Variants in BRDT observed in about 807,000 individuals in gnomAD.
The protein encoded by BRDT is bromodomain testis associated.
In BRDT, 77 loss-of-function variants were observed where a neutral mutation model predicts 113.9. The observed-to-expected ratio is 0.68, with a 90% CI of 0.56 to 0.82. The LOEUF (loss-of-function observed/expected upper bound fraction) is 0.82. Among genes scored for constraint, BRDT ranks in the 40% least tolerant of loss-of-function variants. The pLI is 0.00. For synonymous variants in BRDT, 358 were observed against 366.5 expected (o/e 0.98, Z 0.26); for missense variants, 1,027 against 1,105.4 (o/e 0.93, Z 1.01).
Position 92,004,539 on chromosome 1 carries a change from A to C in BRDT, c.2514A>C (p.Val838=). Residue 838 remains valine, a synonymous_variant, in exon 17 of 19, where the codon GTA becomes GTC. Transcript: ENST00000399546. The part of the protein sequence containing the change: ...QFRKAAIEKE[V]KARTQELIRK... ...GAAAAGCAGCCATAGAAAAGGAAGT[A>C]AAAGCTCGGACACAGGAACTCATAC... is the stretch of plus-strand genomic sequence containing the variant. 1.2e-6 allele frequency: 2 copies of C among 1,613,530 alleles called. No homozygotes were observed. The highest frequency in any genetic ancestry group is 1.1e-5 in the South Asian group (1 of 90,990).
chr1:91,985,636 T>TG (rs1685142777), intron 12 of BRDT, among the ~76,000 whole-genome samples: 1 of 120,246 alleles, frequency 8.3e-6, no homozygotes, highest in South Asian at 2.7e-4. Flanking sequence ...TAATTAGTTT[T>TG]GCTTTTTTTT....
At chr1:91,971,415 A>C (rs1409595128) in intron 4 of BRDT, among the ~76,000 whole-genome samples, 1 of 152,220 alleles carries the variant, frequency 6.6e-6, no homozygotes, top group Admixed American at 6.5e-5. Context: ...GTCTAAGTTT[A>C]AAAGACTTCT....
chr1:91,964,964 C>T (rs1026787736), intron 3 of BRDT, among the ~76,000 whole-genome samples, 200 bp downstream of exon 3: 1 of 145,842 alleles, frequency 6.9e-6, no homozygotes, highest in South Asian at 2.1e-4. Context: ...GGCTGGAGTG[C>T]AGTGGTGTGA....
chr1:92,000,773 A>G (rs930789651), intron 15 of BRDT, among the ~76,000 whole-genome samples: 5 of 152,190 alleles, frequency 3.3e-5, no homozygotes, highest in African/African-American at 1.2e-4. Context: ...ACGCATCAGG[A>G]TGTTCCATGT....
chr1:91,970,803 A>G (rs1334541405), intron 4 of BRDT, among the ~76,000 whole-genome samples: 1 of 151,730 alleles, frequency 6.6e-6, no homozygotes, highest in African/African-American at 2.4e-5. Context: ...CAGCTCCTCA[A>G]GAGCCTGAGG....
chr1:92,013,915 A>G (rs1015781917), intron 18 of BRDT, among the ~76,000 whole-genome samples: 36 of 152,326 alleles, frequency 2.4e-4, no homozygotes, highest in African/African-American at 7.9e-4. Flanking sequence ...CTCTGTCAAC[A>G]TTGAACTTTC....
At chr1:91,958,140 G>C (rs1682002448) in intron 1 of BRDT, among the ~76,000 whole-genome samples, 3 of 151,806 alleles carry the variant, frequency 2.0e-5, no homozygotes, top group Middle Eastern at 3.4e-3. Flanking sequence ...GCCATGCCTG[G>C]CCAAGTTTTG....
chr1:91,991,991 CAAAAAAAAAA>C (rs764759925), intron 13 of BRDT, among the ~76,000 whole-genome samples: 2 of 67,744 alleles, frequency 3.0e-5, no homozygotes, highest in South Asian at 7.8e-4. Flanking sequence ...GACTCTGTCT[CAAAAAAAAAA>C]AAAAAAAAAA....
chr1:91,983,211 C>G (rs1261604660), intron 12 of BRDT, among the ~76,000 whole-genome samples: 1 of 151,380 alleles, frequency 6.6e-6, no homozygotes, highest in Non-Finnish European at 1.5e-5. Context: ...GCAATATATA[C>G]TCTCTGTTTT....
chr1:92,003,199 T>C (rs961450512), intron 16 of BRDT, among the ~76,000 whole-genome samples: 2 of 152,218 alleles, frequency 1.3e-5, no homozygotes, highest in African/African-American at 4.8e-5. Flanking sequence ...CAGGGAGGGA[T>C]GTTTTGACTC....
chr1:92,001,432 A>C (rs1279531315), intron 15 of BRDT, among the ~76,000 whole-genome samples: 1 of 152,186 alleles, frequency 6.6e-6, no homozygotes, highest in Non-Finnish European at 1.5e-5. Context: ...ACAATGGCTC[A>C]TGCCTGTAAT....
At chr1:91,985,488 C>A (rs924701202) in intron 12 of BRDT, among the ~76,000 whole-genome samples, 2 of 152,010 alleles carry the variant, frequency 1.3e-5, no homozygotes, top group Non-Finnish European at 2.9e-5. Flanking sequence ...AGCCATCATG[C>A]CTGGTCTTTA....
chr1:91,983,412 G>A lies in BRDT; in HGVS notation c.2002+1657G>A, dbSNP rs927460517. Among the ~76,000 whole-genome samples the A allele has an allele frequency of 6.6e-5, 10 of 151,334 alleles. 1 individual carries two copies. Among genetic ancestry groups the A allele is most frequent in the African/African-American group, 2.2e-4 (9 of 41,190 alleles). ...CCCAAGTAGCTGGGACTACAGGCAC[G>A]CCCAGCTAATTTTTTGTATTTTTAG... On this transcript the variant is annotated intron_variant, in intron 12 of 18. Transcript: ENST00000399546.
chr1:91,963,081 T>C, intron 2 of BRDT, 135 bp downstream of exon 2: 2 of 609,602 alleles, frequency 3.3e-6, no homozygotes, highest in South Asian at 3.2e-5. Flanking sequence ...CCCAGCACTT[T>C]GGGAGGCCGA....
At chr1:91,995,927 T>G (rs141770631) in intron 15 of BRDT, among the ~76,000 whole-genome samples, 1 of 152,132 alleles carries the variant, frequency 6.6e-6, no homozygotes, top group African/African-American at 2.4e-5. Flanking sequence ...CCATTTTGTC[T>G]TTAATTAAAG....
chr1:91,962,506 G>A lies in BRDT; in HGVS notation c.-37-212G>A, dbSNP rs140207598. Among the ~76,000 whole-genome samples, 11 of 152,050 alleles carry A rather than the reference G, an allele frequency of 7.2e-5. No individual in the cohort carries two copies. In the South Asian group the frequency reaches 1.2e-3, roughly 17 times the overall value. ...GCACTACCACCTCTGGCTAATTTTTGTATTTTTAGTAGAGACAGGGTTTCA... is the reference window on the plus strand; with the variant it reads ...GCACTACCACCTCTGGCTAATTTTTATATTTTTAGTAGAGACAGGGTTTCA... On this transcript the variant is annotated intron_variant, in intron 1 of 18. Coordinates refer to ENST00000399546, the MANE Select transcript of BRDT (RefSeq NM_207189.4).
intron 3 of BRDT, 88 bp downstream of exon 3, chr1:91,964,852 C>T: frequency 3.2e-6 from 3 of 949,084 alleles, no homozygotes; most frequent in Non-Finnish European, 4.3e-6. Flanking sequence ...TTTCAGATTT[C>T]AATTCTCTTC....
chr1:91,994,684 C>T (rs1464916707), intron 15 of BRDT, among the ~76,000 whole-genome samples: 5 of 151,330 alleles, frequency 3.3e-5, no homozygotes, highest in Middle Eastern at 3.2e-3. Flanking sequence ...GGCTAAAAAA[C>T]GGTGAAACCC....
At position 91,953,345 on chromosome 1, in the gene BRDT, A is replaced by G. The variant is rs142311358; in HGVS notation, c.-38+3663A>G. Among the ~76,000 whole-genome samples, 209 of 152,268 alleles carry G rather than the reference A, an allele frequency of 1.4e-3. 2 individuals are homozygous for G. The highest frequency in any genetic ancestry group is 4.9e-3 in the African/African-American group (204 of 41,542). On this transcript the variant is annotated intron_variant, in intron 1 of 18. Transcript: ENST00000399546. ...TTGAAGTATGCACTTAGGGCAACAC[A>G]ATTTAATAACTGATTACAGTTAGTA...
Sources: allele counts gnomAD v4.1 joint callset (sites outside exome capture counted in the v4.1 genomes callset), GRCh38; gene constraint gnomAD v4.1.1; transcripts MANE v1.5; gene names NCBI Gene and HGNC (gene_info 2026-07-23, HGNC 2026-07-21).